Variants in NIP7 observed in about 807,000 individuals in gnomAD.
NIP7 encodes 60S ribosome subunit biogenesis protein NIP7 homolog.
In NIP7, 12 loss-of-function variants were observed where a neutral mutation model predicts 20.1. The ratio of observed to expected loss-of-function variants is 0.60; its 90% CI spans 0.38 to 0.97. The LOEUF is 0.97. Ranked by LOEUF, NIP7 falls within the 50% of genes least tolerant of loss-of-function variation. The pLI, the probability that NIP7 is intolerant of heterozygous loss-of-function variation, is 0.00. For synonymous variants in NIP7, 103 were observed against 87.2 expected (o/e 1.18, Z -1.01); for missense variants, 226 against 226.6 (o/e 1.00, Z 0.02).
At position 69,342,156 on chromosome 16, in the gene NIP7, T is replaced by G. The variant is rs1227854235; in HGVS notation, c.*504T>G. The G allele has an allele frequency of 6.6e-6, 1 of 152,438 alleles. No homozygotes were observed. Among genetic ancestry groups the G allele is most frequent in the East Asian group, 1.9e-4 (1 of 5,204 alleles). 9.4% of individuals were successfully genotyped at this position (152,438 alleles called of 1,614,324 possible). ...AAGAAAAACGGGTTCAAACCCCACTTCTGCCACCTACCAGCTATATGGCCT... is the reference window on the plus strand; with the variant it reads ...AAGAAAAACGGGTTCAAACCCCACTGCTGCCACCTACCAGCTATATGGCCT... On this transcript the variant is annotated 3_prime_UTR_variant, in exon 5 of 5. Transcript: ENST00000254940.
chr16:69,343,018 A>G lies in NIP7; in HGVS notation c.*1366A>G, dbSNP rs547947038. 2 of 158,102 alleles carry G rather than the reference A, an allele frequency of 1.3e-5. No homozygotes were observed. The highest frequency in any genetic ancestry group is 2.4e-5 in the African/African-American group (1 of 41,688). The allele number at this position is 158,102 out of a possible 1,614,324, so 9.8% of individuals were successfully genotyped here. ...ACTATCTGTATTGCAAAATTAAACTATTTCTTTAATGAATATATTGCTTAT... is the reference window on the plus strand; with the variant it reads ...ACTATCTGTATTGCAAAATTAAACTGTTTCTTTAATGAATATATTGCTTAT... On this transcript the variant is annotated 3_prime_UTR_variant, in exon 5 of 5. Transcript: ENST00000254940.
Position 69,340,011 on chromosome 16 carries a change from GGGAGAA to G in NIP7, c.63_68del (p.Glu22_Asn23del). 6.2e-7 allele frequency: 1 copy of G among 1,614,068 alleles called. No homozygotes were observed. Among genetic ancestry groups the G allele is most frequent in the Non-Finnish European group, 8.5e-7 (1 of 1,180,016 alleles). ...AGTCCTCTTTTTGCCCTCAGCATTG[GGGAGAA>G]TCTTCAACTGCTGGTGGACCGGCCC... On this transcript the variant is annotated inframe_deletion, in exon 2 of 5. Transcript: ENST00000254940.
chr16:69,341,623 T>C lies in NIP7; in HGVS notation c.514T>C (p.Tyr172His), dbSNP rs148264436. ...ATTTCATCAAGCAGACATTGGGGAATATGTGCGGCATGAAGAGACGTTGAC... is the reference window on the plus strand; with the variant it reads ...ATTTCATCAAGCAGACATTGGGGAACATGTGCGGCATGAAGAGACGTTGAC... ...VVFHQADIGE[Y>H]VRHEETLT The change falls in exon 5 of 5, where the codon TAT (tyrosine) becomes CAT (histidine). Residue 172 changes from tyrosine (Y) to histidine (H), a missense_variant. By Grantham distance (83) the Tyr-to-His change is moderately conservative (BLOSUM62 2). Transcript: ENST00000254940. 9.0e-5 allele frequency: 146 copies of C among 1,614,072 alleles called. No homozygotes were observed. Among genetic ancestry groups the C allele is most frequent in the Non-Finnish European group, 1.1e-4 (128 of 1,180,048 alleles).
In NIP7 at chr16:69,340,072, CG is replaced by C; in HGVS notation, c.124del (p.Asp42ThrfsTer6). On this transcript the variant is annotated frameshift_variant, in exon 2 of 5. Coordinates refer to ENST00000254940, the MANE Select transcript of NIP7 (RefSeq NM_016101.5). LOFTEE classifies it high-confidence loss of function. ...DGTYCFRLHN[D>X]RVYYVSEKIM... ...GCACCTACTGTTTCCGTCTGCACAA[CG>C]ACCGGGTGTACTATGTGAGGTGAGG... 1 of 1,614,096 alleles carries C rather than the reference CG, an allele frequency of 6.2e-7. No homozygotes were observed. Among genetic ancestry groups the C allele is most frequent in the Non-Finnish European group, 8.5e-7 (1 of 1,180,024 alleles).
chr16:69,341,554 T>C lies in NIP7; in HGVS notation c.445T>C (p.Ser149Pro). The C allele has an allele frequency of 1.2e-6, 2 of 1,614,160 alleles. No homozygotes were observed. The highest frequency in any genetic ancestry group is 2.2e-5 in the East Asian group (1 of 44,886). Residue 149 changes from serine (S) to proline (P), a missense_variant, in exon 5 of 5, where the codon TCT (serine) becomes CCT (proline). Transcript: ENST00000254940. ...CCAGGGTTTTGGGGTGGCAGCCAAA[T>C]CTACACAAGACTGCAGAAAAGTAGA... is the stretch of plus-strand genomic sequence containing the variant. The part of the protein sequence containing the change: ...IPLGFGVAAK[S>P]TQDCRKVDPM...
intron 3 of NIP7, chr16:69,340,599 T>C: frequency 4.2e-6 from 2 of 477,502 alleles, no homozygotes; most frequent in Non-Finnish European, 3.7e-6. Context: ...GTGGCAGCAA[T>C]GAAGACACCG....
chr16:69,340,361 C>A (rs757879172), intron 3 of NIP7, 29 bp downstream of exon 3: 3 of 1,603,406 alleles, frequency 1.9e-6, no homozygotes, highest in Non-Finnish European at 8.5e-7. Flanking sequence ...AATTCTGCCA[C>A]GGGCGATGAA....
chr16:69,340,414 A>T lies in NIP7; in HGVS notation c.282+82A>T. The stretch of plus-strand genomic sequence containing the variant: ...TTGTCCGGCAGCTTCTCTCCCACAG[A>T]GTCCCTGACAGTGTGCTTGGAGGAG... On this transcript the variant is annotated intron_variant, in intron 3 of 4. Transcript: ENST00000254940. The T allele has an allele frequency of 2.0e-6, 3 of 1,513,432 alleles. No individual in the cohort carries two copies. The South Asian group carries it at 3.5e-5, about 18-fold the overall frequency. 93.8% of individuals were successfully genotyped at this position (1,513,432 alleles called of 1,614,324 possible). A position where few individuals can be genotyped will look rare whatever the true frequency, so the allele number is the denominator to read the frequency against.
chr16:69,340,649 G>A (rs1167183877), intron 3 of NIP7: 3 of 378,452 alleles, frequency 7.9e-6, no homozygotes, highest in Non-Finnish European at 1.4e-5. Context: ...CATGGAGGAT[G>A]ATCCTTGTAG....
At chr16:69,340,996 A>G in intron 3 of NIP7, 184 bp from the exon 4 acceptor site, 1 of 557,944 alleles carries the variant, frequency 1.8e-6, no homozygotes, top group Non-Finnish European at 3.1e-6. Context: ...TACAAGCGTG[A>G]GCCACTGCAC....
intron 1 of NIP7, 28 bp from the exon 2 acceptor site, chr16:69,339,978 C>A (rs758472448): frequency 1.2e-6 from 2 of 1,613,322 alleles, no homozygotes; most frequent in Middle Eastern, 1.7e-4. Flanking sequence ...CGTTCGGGCG[C>A]GGTCTCCAGT....
At chr16:69,340,663 T>C in intron 3 of NIP7, 1 of 320,228 alleles carries the variant, frequency 3.1e-6, no homozygotes. Flanking sequence ...CTTGTAGAGT[T>C]GAGAAAATAA....
chr16:69,340,291 T>G lies in NIP7; in HGVS notation c.241T>G (p.Leu81Val). ...ATTCACTAAAACCCACAAGTTTCGG[T>G]TGCACGTCACAGCTCTGGATTACCT... Reference protein sequence around the residue: ...GKFTKTHKFRLHVTALDYLAP... With the variant: ...GKFTKTHKFRVHVTALDYLAP... Residue 81 changes from leucine (L) to valine (V), a missense_variant, in exon 3 of 5, where the codon TTG becomes GTG. Physicochemically the swap from Leu to Val is conservative, Grantham distance 32. Coordinates refer to ENST00000254940, the MANE Select transcript of NIP7 (RefSeq NM_016101.5). 1 of 1,614,048 alleles carries G rather than the reference T, an allele frequency of 6.2e-7. No individual in the cohort carries two copies. The highest frequency in any genetic ancestry group is 8.5e-7 in the Non-Finnish European group (1 of 1,180,026).
chr16:69,342,198 C>CT lies in NIP7; in HGVS notation c.*549dup, dbSNP rs2012577039. The stretch of plus-strand genomic sequence containing the variant: ...ATATGGCCTTGAATGAGTCATTCAG[C>CT]TTTAATAAGGTTCATTTTCTTCTGT... On this transcript the variant is annotated 3_prime_UTR_variant, in exon 5 of 5. Transcript: ENST00000254940. The CT allele has an allele frequency of 6.6e-6, 1 of 152,214 alleles. No homozygotes were observed. Among genetic ancestry groups the CT allele is most frequent in the South Asian group, 2.1e-4 (1 of 4,836 alleles). 9.4% of individuals were successfully genotyped at this position (152,214 alleles called of 1,614,324 possible). A position where few individuals can be genotyped will look rare whatever the true frequency, so the allele number is the denominator to read the frequency against.
intron 3 of NIP7, 78 bp from the exon 4 acceptor site, chr16:69,341,102 C>G: frequency 1.6e-6 from 2 of 1,213,996 alleles, no homozygotes; most frequent in South Asian, 2.8e-5. Flanking sequence ...AAATTATTCA[C>G]AGATCCAGCA....
chr16:69,340,865 C>T (rs1480803847), intron 3 of NIP7: 3 of 259,046 alleles, frequency 1.2e-5, no homozygotes, highest in Admixed American at 5.1e-5. Context: ...TGTGCCACCA[C>T]ACCTGGCTGA....
chr16:69,340,999 C>T (rs1442595894), intron 3 of NIP7, 181 bp from the exon 4 acceptor site: 9 of 572,686 alleles, frequency 1.6e-5, no homozygotes, highest in Non-Finnish European at 2.4e-5. Flanking sequence ...AAGCGTGAGC[C>T]ACTGCACCGG....
rs200754760 is a variant in NIP7 at position 69,339,989 on chromosome 16, C to T, written c.57-17C>T. On this transcript the variant is annotated splice_polypyrimidine_tract_variant and intron_variant, in intron 1 of 4. Transcript: ENST00000254940. ...GGTTCGTTCGGGCGCGGTCTCCAGT[C>T]CTCTTTTTGCCCTCAGCATTGGGGA... The T allele has an allele frequency of 3.2e-5, 52 of 1,613,472 alleles. No homozygotes were observed. The highest frequency in any genetic ancestry group is 2.0e-4 in the Admixed American group (12 of 59,984).
chr16:69,340,575 C>G (rs2012500099), intron 3 of NIP7: 1 of 513,982 alleles, frequency 1.9e-6, no homozygotes, highest in African/African-American at 1.9e-5. Context: ...AGCTAGAGAT[C>G]AGAAAGCAAA....
Sources: gnomAD v4.1 joint callset for allele counts on GRCh38, gnomAD v4.1.1 for gene constraint, MANE v1.5 for transcripts, NCBI Gene and HGNC (gene_info 2026-07-23, HGNC 2026-07-21) for gene names.